NAV1: variants seen among roughly 807,000 people sequenced by gnomAD.
The protein encoded by NAV1 is neuron navigator 1, also known as pore membrane and/or filament interacting like protein 3.
Under a neutral mutation model 175.2 loss-of-function variants are expected in NAV1, and 18 were observed. That is an observed-to-expected ratio of 0.10 (90% confidence interval 0.07 to 0.15). The LOEUF (loss-of-function observed/expected upper bound fraction) is 0.15. Among genes scored for constraint, NAV1 ranks in the 10% least tolerant of loss-of-function variants. The probability of loss-of-function intolerance (pLI) is 1.00; values close to 1 mark genes in which losing one functional copy is unlikely to be tolerated. For synonymous variants in NAV1, 897 were observed against 978.7 expected, an observed-to-expected ratio of 0.92 and a Z score of 1.56; for missense variants, 1,731 against 2,436.6, an observed-to-expected ratio of 0.71 and a Z score of 6.10.
At chr1:201,554,082 C>T (rs1665943892) in intron 1 of NAV1, among the ~76,000 whole-genome samples, 1 of 152,184 alleles carries the variant, frequency 6.6e-6, no homozygotes, top group Non-Finnish European at 1.5e-5. Context: ...CCTTTTCTTC[C>T]CTCCATGGAC....
At chr1:201,717,989 T>G (rs1304405054) in intron 2 of NAV1, among the ~76,000 whole-genome samples, 4 of 152,224 alleles carry the variant, frequency 2.6e-5, no homozygotes, top group African/African-American at 9.6e-5. Context: ...TCTGTACATA[T>G]GTGATCCTTA....
At chr1:201,794,413 T>A (rs1020936844) in intron 14 of NAV1, 53 bp from the exon 19 acceptor site, 14 of 1,536,048 alleles carry the variant, frequency 9.1e-6, no homozygotes, top group Non-Finnish European at 1.1e-5. Context: ...AGTGCTGGGA[T>A]TATAGGTGTG....
chr1:201,751,942 G>A (rs1161136174), intron 3 of NAV1, among the ~76,000 whole-genome samples: 1 of 152,056 alleles, frequency 6.6e-6, no homozygotes, highest in African/African-American at 2.4e-5. Context: ...TCAAAGCTTT[G>A]TAATAGGTGA....
exon 1 of NAV1, chr1:201,648,929 G>C: frequency 6.2e-7 from 1 of 1,612,912 alleles, no homozygotes; most frequent in East Asian, 2.2e-5. Flanking sequence ...ACCTGCGCAA[G>C]CAGAAGTCAC....
At chr1:201,683,193 T>C (rs976165028) in intron 1 of NAV1, among the ~76,000 whole-genome samples, 2 of 152,238 alleles carry the variant, frequency 1.3e-5, no homozygotes, top group South Asian at 2.1e-4. Flanking sequence ...GTCAGGTATT[T>C]TGCAGAATGT....
intron 3 of NAV1, among the ~76,000 whole-genome samples, chr1:201,748,250 A>G (rs540622150): frequency 2.0e-5 from 3 of 152,330 alleles, no homozygotes; most frequent in East Asian, 3.9e-4. Flanking sequence ...ATATGTAATA[A>G]CACCAGCTTT....
At chr1:201,785,004 G>A (rs933507024) in intron 7 of NAV1, among the ~76,000 whole-genome samples, 5 of 152,120 alleles carry the variant, frequency 3.3e-5, no homozygotes, top group South Asian at 2.1e-4. Flanking sequence ...TCCCGACCTC[G>A]TGATCCACCC....
At chr1:201,709,215 G>A (rs1003222274) in intron 1 of NAV1, among the ~76,000 whole-genome samples, 2 of 151,574 alleles carry the variant, frequency 1.3e-5, no homozygotes, top group East Asian at 3.9e-4. Flanking sequence ...GGAAGCCCTA[G>A]ATACCTTCAC....
chr1:201,685,002 C>T (rs1234342188), intron 1 of NAV1, among the ~76,000 whole-genome samples: 12 of 147,618 alleles, frequency 8.1e-5, no homozygotes, highest in Non-Finnish European at 1.6e-4. Flanking sequence ...TCTGGCCGGG[C>T]GCGGTGGCTT....
chr1:201,676,603 C>T (rs754692370), intron 1 of NAV1, among the ~76,000 whole-genome samples: 3 of 152,126 alleles, frequency 2.0e-5, no homozygotes, highest in African/African-American at 4.8e-5. Context: ...CTGGGGTTCC[C>T]GGTAGCTCCT....
chr1:201,808,270 T>C lies in NAV1; in HGVS notation c.3845+121T>C, dbSNP rs1678436235. 7.2e-7 allele frequency: 1 copy of C among 1,395,818 alleles called. No homozygotes were observed. Among genetic ancestry groups the C allele is most frequent in the East Asian group, 2.3e-5 (1 of 43,240 alleles). 86.5% of individuals were successfully genotyped at this position (1,395,818 alleles called of 1,614,324 possible). On this transcript the variant is annotated intron_variant, in intron 18 of 29. Coordinates refer to ENST00000367296, the Ensembl canonical transcript of NAV1. This position sits in a 1 kb window ranked among gnomAD's most constrained non-coding sequence, Gnocchi z 5.5. Reference sequence around the variant, plus strand: ...CTTATTACTGACCTCTCCCTGGGCATATGAGACCAACAGATGGACCTTTCT... The same window carrying C: ...CTTATTACTGACCTCTCCCTGGGCACATGAGACCAACAGATGGACCTTTCT...
intron 1 of NAV1, among the ~76,000 whole-genome samples, chr1:201,570,381 C>T (rs1666496351): frequency 1.3e-5 from 2 of 152,248 alleles, no homozygotes; most frequent in African/African-American, 2.4e-5. Flanking sequence ...GGTCACCACC[C>T]CCAACCCTTG....
chr1:201,665,593 C>CT (rs1433287064), intron 1 of NAV1, among the ~76,000 whole-genome samples: 8 of 69,308 alleles, frequency 1.2e-4, no homozygotes, highest in African/African-American at 5.0e-4. Context: ...GCACCCCACC[C>CT]CCCCCACTGC....
In NAV1 at chr1:201,809,543, G is replaced by A. The variant is rs998217921; in HGVS notation, c.4401+6G>A. 3 of 1,612,544 alleles carry A rather than the reference G, an allele frequency of 1.9e-6. No individual in the cohort carries two copies. The highest frequency in any genetic ancestry group is 3.3e-5 in the Admixed American group (2 of 59,896). ...CTGTTTTCCAAGTGTTCAAGGTAAA[G>A]GGATACCTGTACTCAAAAAGGTTGT... On this transcript the variant is annotated splice_donor_region_variant and intron_variant, in intron 22 of 29. Coordinates refer to ENST00000367296, the Ensembl canonical transcript of NAV1.
intron 15 of NAV1, among the ~76,000 whole-genome samples, chr1:201,801,579 C>T (rs185052931): frequency 6.6e-6 from 1 of 152,210 alleles, no homozygotes; most frequent in East Asian, 1.9e-4. Context: ...CCTTGGCATC[C>T]CTGGGTGCTG....
chr1:201,809,567 G>T (rs774631677), intron 22 of NAV1, 30 bp downstream of exon 26: 1 of 1,595,980 alleles, frequency 6.3e-7, no homozygotes, highest in East Asian at 2.2e-5. Context: ...CAAAAAGGTT[G>T]TTCATCCTCT....
At chr1:201,820,015 AGAGCACTGGC>A in exon 30 of NAV1, 1 of 1,299,698 alleles carries the variant, frequency 7.7e-7, no homozygotes, top group Non-Finnish European at 1.1e-6. Flanking sequence ...CTCCTCTTTC[AGAGCACTGGC>A]TCTCCAGCCC....
Position 201,788,486 on chromosome 1 carries a change from C to G in NAV1, c.3014C>G (p.Thr1005Ser). The change falls in exon 10 of 30, where the codon ACC (threonine) becomes AGC (serine). Residue 1005 changes from threonine (T) to serine (S), a missense_variant. Transcript: ENST00000367296. The surrounding 1 kb of genome is among the most constrained non-coding windows in gnomAD (Gnocchi z 5.7). ...CTTCCAGTGAGTCCCACTGCGGCCA[C>G]CACGCCAAGAATCACCCGCTCCAAC... 6.2e-7 allele frequency: 1 copy of G among 1,614,142 alleles called. No individual in the cohort carries two copies. The highest frequency in any genetic ancestry group is 8.5e-7 in the Non-Finnish European group (1 of 1,180,014).
At chr1:201,556,503 G>A (rs148138466) in intron 1 of NAV1, among the ~76,000 whole-genome samples, 157 of 152,302 alleles carry the variant, frequency 1.0e-3, no homozygotes, top group Non-Finnish European at 1.7e-3. Context: ...GGGGACAGTG[G>A]AGGGACTGTA....
Sources: allele counts gnomAD v4.1 joint callset (sites outside exome capture counted in the v4.1 genomes callset), GRCh38; gene constraint gnomAD v4.1.1; non-coding constraint Gnocchi (gnomAD v3.1); transcripts MANE v1.5; gene names NCBI Gene and HGNC (gene_info 2026-07-23, HGNC 2026-07-21).